Variants in ITSN1 observed in about 807,000 individuals in gnomAD.
The protein encoded by ITSN1 is intersectin-1.
In ITSN1, 58 loss-of-function variants were observed where a neutral mutation model predicts 239.8. That is an observed-to-expected ratio of 0.24 (90% confidence interval 0.20 to 0.30). The LOEUF is 0.30. Among genes scored for constraint, ITSN1 ranks in the 10% least tolerant of loss-of-function variants. The pLI, the probability that ITSN1 is intolerant of heterozygous loss-of-function variation, is 1.00. For synonymous variants in ITSN1, 780 were observed against 770.8 expected (o/e 1.01, Z -0.20); for missense variants, 1,558 against 2,103.3 (o/e 0.74, Z 5.07).
At chr21:33,717,926 G>C (rs1298616907) in intron 1 of ITSN1, among the ~76,000 whole-genome samples, 1 of 152,166 alleles carries the variant, frequency 6.6e-6, no homozygotes, top group Non-Finnish European at 1.5e-5. Flanking sequence ...CACATCGGCT[G>C]TTGATGAATA....
At chr21:33,681,088 G>A (rs375433437) in intron 1 of ITSN1, among the ~76,000 whole-genome samples, 25 of 152,316 alleles carry the variant, frequency 1.6e-4, no homozygotes, top group Middle Eastern at 3.4e-3. Context: ...AGCAAGTCAC[G>A]TGGTCATGCA....
chr21:33,787,578 T>C (rs1464345287), intron 16 of ITSN1, among the ~76,000 whole-genome samples: 1 of 152,206 alleles, frequency 6.6e-6, no homozygotes, highest in African/African-American at 2.4e-5. Flanking sequence ...TTTCAGACAC[T>C]AGCTTTCATG....
At chr21:33,867,768 G>A (rs1304712538) in intron 33 of ITSN1, among the ~76,000 whole-genome samples, 4 of 152,108 alleles carry the variant, frequency 2.6e-5, no homozygotes, top group Non-Finnish European at 5.9e-5. Flanking sequence ...CGCGTCTGGA[G>A]TTTGTTCCTT....
intron 20 of ITSN1, among the ~76,000 whole-genome samples, chr21:33,804,188 A>G (rs564869515): frequency 1.2e-4 from 19 of 152,312 alleles, no homozygotes; most frequent in Admixed American, 1.0e-3. Context: ...ATAGCTTACT[A>G]TAATATGTTC....
In ITSN1 at chr21:33,856,846, C is replaced by T; in HGVS notation, c.3772C>T (p.Leu1258=). 4 of 1,613,918 alleles carry T rather than the reference C, an allele frequency of 2.5e-6. No individual in the cohort carries two copies. The highest frequency in any genetic ancestry group is 3.4e-6 in the Non-Finnish European group (4 of 1,179,902). ...TEENYVNDLQ[L]VTEIFQKPLM... Reference sequence around the variant, plus strand: ...GGAGAACTATGTGAATGACCTGCAGCTGGTCACAGAGGTAAGGGAGCTGGT... The same window carrying T: ...GGAGAACTATGTGAATGACCTGCAGTTGGTCACAGAGGTAAGGGAGCTGGT... The change falls in exon 30 of 40, where the codon CTG becomes TTG. Residue 1258 remains leucine (L), a synonymous_variant. Transcript: ENST00000381318.
chr21:33,751,636 C>T (rs946824196), intron 6 of ITSN1, among the ~76,000 whole-genome samples, 174 bp from the exon 7 acceptor site: 1 of 152,022 alleles, frequency 6.6e-6, no homozygotes, highest in African/African-American at 2.4e-5. Flanking sequence ...ATCTAGAAAC[C>T]TTTTTGGCAG....
At position 33,705,092 on chromosome 21, in the gene ITSN1, C is replaced by G. The variant is rs569965061; in HGVS notation, c.-32-13705C>G. ...GGCCACTGCACTCCAGCCTGGGCAA[C>G]AGAGCAAGACTCCGTCTCAAAAAAA... On this transcript the variant is annotated intron_variant, in intron 1 of 39. Transcript: ENST00000381318. 1.5e-4 allele frequency among the ~76,000 whole-genome samples: 18 copies of G among 116,432 alleles called. No individual in the cohort carries two copies. The East Asian group carries it at 4.5e-3, about 29-fold the overall frequency. The allele number at this position is 116,432 out of a possible 152,430, so 76.4% of individuals were successfully genotyped here. A position where few individuals can be genotyped will look rare whatever the true frequency, so the allele number is the denominator to read the frequency against.
At position 33,774,827 on chromosome 21, in the gene ITSN1, A is replaced by G; in HGVS notation, c.1404A>G (p.Ile468Met). Residue 468 changes from isoleucine (I) to methionine (M), a missense_variant, in exon 13 of 40, where the codon ATA becomes ATG. Transcript: ENST00000381318. ...LNQRNKEQED[I>M]VVLKAKKKTL... ...AAAGAAACAAAGAACAAGAGGACAT[A>G]GTTGTACTGAAAGCAAAGAAAAAGA... 3 of 1,613,770 alleles carry G rather than the reference A, an allele frequency of 1.9e-6. No homozygotes were observed. The highest frequency in any genetic ancestry group is 4.5e-5 in the East Asian group (2 of 44,866).
chr21:33,813,936 A>G lies in ITSN1; in HGVS notation c.2591A>G (p.Lys864Arg). Residue 864 changes from lysine to arginine, a missense_variant, in exon 22 of 40, where the codon AAA becomes AGA. This residue lies in a region of ITSN1 where 982 missense variants were observed against 1,209.9 expected (regional missense o/e 0.81). Coordinates refer to ENST00000381318, the MANE Select transcript of ITSN1 (RefSeq NM_003024.3). Reference protein sequence around the residue: ...SSTWPTSTNEKPETDNWDAWA... With the variant: ...SSTWPTSTNERPETDNWDAWA... ...AGGTGGCCCACCAGCACGAATGAGA[A>G]ACCAGAAACGGATAACTGGGATGCA... 6.2e-7 allele frequency: 1 copy of G among 1,613,826 alleles called. No homozygotes were observed. Among genetic ancestry groups the G allele is most frequent in the Middle Eastern group, 1.6e-4 (1 of 6,062 alleles).
chr21:33,652,085 GTTAATACCC>G (rs1331463693), intron 1 of ITSN1, among the ~76,000 whole-genome samples: 1 of 151,378 alleles, frequency 6.6e-6, no homozygotes, highest in African/African-American at 2.5e-5. Flanking sequence ...GATAATGACT[GTTAATACCC>G]TGTGAAGGTC....
chr21:33,681,822 C>T (rs1301262944), intron 1 of ITSN1, among the ~76,000 whole-genome samples: 1 of 151,606 alleles, frequency 6.6e-6, no homozygotes, highest in Admixed American at 6.6e-5. Context: ...AGGCGCCCAC[C>T]ACTATGCCCG....
chr21:33,864,755 C>T (rs1981269493), intron 31 of ITSN1, among the ~76,000 whole-genome samples: 1 of 152,288 alleles, frequency 6.6e-6, no homozygotes, highest in African/African-American at 2.4e-5. Context: ...TCCCCATCCT[C>T]TGGCAATAGC....
chr21:33,765,197 T>C (rs1416102786), intron 9 of ITSN1, among the ~76,000 whole-genome samples: 1 of 152,220 alleles, frequency 6.6e-6, no homozygotes, highest in African/African-American at 2.4e-5. Context: ...AGTTTGTCAT[T>C]TCCTGGTCTA....
intron 9 of ITSN1, among the ~76,000 whole-genome samples, chr21:33,763,229 CAAA>C (rs71322243): frequency 1.7e-4 from 12 of 69,860 alleles, no homozygotes; most frequent in Admixed American, 5.9e-4. Context: ...GCCCCCCAAC[CAAA>C]AAAAAAAAAA....
chr21:33,794,585 A>C, intron 17 of ITSN1, 117 bp downstream of exon 17: 1 of 1,346,008 alleles, frequency 7.4e-7, no homozygotes, highest in Middle Eastern at 1.9e-4. Flanking sequence ...TTTAGTGTGC[A>C]TGTGAAGTGT....
At chr21:33,764,271 G>T (rs1419420884) in intron 9 of ITSN1, among the ~76,000 whole-genome samples, 1 of 152,134 alleles carries the variant, frequency 6.6e-6, no homozygotes, top group Non-Finnish European at 1.5e-5. Flanking sequence ...CACTAAAAAA[G>T]ATATTTTAAT....
chr21:33,677,943 C>T (rs534746594), intron 1 of ITSN1, among the ~76,000 whole-genome samples: 1 of 152,334 alleles, frequency 6.6e-6, no homozygotes, highest in African/African-American at 2.4e-5. Context: ...CACTTTGTCT[C>T]TCCCTGTAAT....
chr21:33,746,757 C>T (rs1217939494), intron 5 of ITSN1, among the ~76,000 whole-genome samples: 2 of 151,928 alleles, frequency 1.3e-5, no homozygotes, highest in Non-Finnish European at 2.9e-5. Context: ...CAGGAGAATC[C>T]CTTGAAGCCG....
rs1985139428 is a variant in ITSN1 at position 33,882,776 on chromosome 21, AAG to A, written c.4554+324_4554+325del. ...AGGCAGGTGTGAAAAAGCTCGGGAG[AAG>A]AGGTGCAAAACAGCACCCAGGGCCC... On this transcript the variant is annotated intron_variant, in intron 35 of 39. Coordinates refer to ENST00000381318, the MANE Select transcript of ITSN1 (RefSeq NM_003024.3). This position sits in a 1 kb window ranked among gnomAD's most constrained non-coding sequence, Gnocchi z 4.5. 6.6e-6 allele frequency among the ~76,000 whole-genome samples: 1 copy of A among 152,118 alleles called. No homozygotes were observed. The highest frequency in any genetic ancestry group is 1.5e-5 in the Non-Finnish European group (1 of 68,008).
Sources: gnomAD v4.1 joint callset for allele counts (sites outside exome capture counted in the v4.1 genomes callset) on GRCh38, gnomAD v4.1.1 for gene constraint, gnomAD v4.1.1 regional missense constraint, Gnocchi (gnomAD v3.1) non-coding constraint, MANE v1.5 for transcripts, NCBI Gene and HGNC (gene_info 2026-07-23, HGNC 2026-07-21) for gene names.